The following MDGA2 variants were observed in gnomAD, a reference collection of about 807,000 sequenced individuals.
The protein encoded by MDGA2 is MAM domain-containing glycosylphosphatidylinositol anchor protein 2.
Under a neutral mutation model 117.8 loss-of-function variants are expected in MDGA2, and 40 were observed. The observed-to-expected ratio is 0.34, with a 90% CI of 0.26 to 0.44. MDGA2 has a LOEUF of 0.44. Ranked by LOEUF, MDGA2 falls within the 20% of genes least tolerant of loss-of-function variation. The probability of loss-of-function intolerance (pLI) is 1.00; values close to 1 mark genes in which losing one functional copy is unlikely to be tolerated. For synonymous variants in MDGA2, 452 were observed against 439.0 expected (o/e 1.03, Z -0.37); for missense variants, 1,123 against 1,250.6 (o/e 0.90, Z 1.54).
At chr14:47,054,474 C>T (rs1406861788) in intron 7 of MDGA2, among the ~76,000 whole-genome samples, 1 of 130,740 alleles carries the variant, frequency 7.6e-6, no homozygotes, top group Non-Finnish European at 1.6e-5. Flanking sequence ...CCTCCCCCCA[C>T]CCCACAACAG....
chr14:47,343,133 A>T (rs1353082748), intron 1 of MDGA2: 3 of 1,208,968 alleles, frequency 2.5e-6, no homozygotes, highest in Non-Finnish European at 3.2e-6. Context: ...CACAATAATG[A>T]AACAGCTGAG....
At chr14:47,481,281 C>A (rs1260914023) in intron 1 of MDGA2, among the ~76,000 whole-genome samples, 1 of 151,990 alleles carries the variant, frequency 6.6e-6, no homozygotes, top group Admixed American at 6.6e-5. Flanking sequence ...AACTTAGAAA[C>A]TTTTAAACCA....
intron 1 of MDGA2, among the ~76,000 whole-genome samples, chr14:47,417,246 G>A (rs1478480780): frequency 2.0e-5 from 3 of 152,080 alleles, no homozygotes; most frequent in South Asian, 2.1e-4. Context: ...GCATTCAAGC[G>A]AAGCCAAACC....
At chr14:47,379,106 C>T (rs1566761384) in intron 1 of MDGA2, among the ~76,000 whole-genome samples, 1 of 152,130 alleles carries the variant, frequency 6.6e-6, no homozygotes, top group Non-Finnish European at 1.5e-5. Flanking sequence ...ATTTCATATC[C>T]AGCCAAACTA....
chr14:47,649,719 C>G (rs1211353858), intron 1 of MDGA2, among the ~76,000 whole-genome samples: 4 of 138,608 alleles, frequency 2.9e-5, no homozygotes, highest in Admixed American at 7.2e-5. Context: ...ACAAAAAAAC[C>G]CCACAAATAT....
At chr14:47,200,580 C>A (rs1885465106) in intron 3 of MDGA2, 8 of 962,256 alleles carry the variant, frequency 8.3e-6, no homozygotes, top group Non-Finnish European at 1.2e-5. Flanking sequence ...TGGGCTCAGA[C>A]CAGGAGTCCG....
intron 5 of MDGA2, among the ~76,000 whole-genome samples, chr14:47,104,090 T>C (rs61992545): frequency 2.0e-5 from 3 of 152,180 alleles, no homozygotes; most frequent in African/African-American, 7.2e-5. Flanking sequence ...CAGGCTTGAC[T>C]GGGATATTTA....
chr14:46,929,601 G>GTGTGTGTGTATA (rs1398520996), intron 9 of MDGA2, among the ~76,000 whole-genome samples: 1 of 12,676 alleles, frequency 7.9e-5, no homozygotes, highest in African/African-American at 2.1e-4. Flanking sequence ...GTGTGTGTGT[G>GTGTGTGTGTATA]TATATATATA....
intron 1 of MDGA2, among the ~76,000 whole-genome samples, chr14:47,519,773 A>G (rs1894831803): frequency 6.6e-6 from 1 of 152,152 alleles, no homozygotes; most frequent in Admixed American, 6.5e-5. Flanking sequence ...AATAAGCTAT[A>G]ATTTGTGAGA....
intron 1 of MDGA2, among the ~76,000 whole-genome samples, chr14:47,505,737 T>A (rs1414461679): frequency 1.3e-5 from 2 of 152,200 alleles, no homozygotes; most frequent in African/African-American, 4.8e-5. Flanking sequence ...AAAAATATAA[T>A]TTGAATTGAA....
At chr14:47,291,602 G>A (rs1888891643) in intron 2 of MDGA2, among the ~76,000 whole-genome samples, 1 of 152,174 alleles carries the variant, frequency 6.6e-6, no homozygotes, top group African/African-American at 2.4e-5. Context: ...TTAGCCCACA[G>A]TTAGGCAAAA....
At chr14:47,244,639 G>A (rs891692961) in intron 2 of MDGA2, among the ~76,000 whole-genome samples, 3 of 151,766 alleles carry the variant, frequency 2.0e-5, no homozygotes, top group African/African-American at 7.3e-5. Context: ...ATAAAATAGA[G>A]TCAGCCTTTA....
chr14:47,003,139 A>G (rs1887590282), intron 8 of MDGA2, among the ~76,000 whole-genome samples: 1 of 152,136 alleles, frequency 6.6e-6, no homozygotes, highest in African/African-American at 2.4e-5. Context: ...TTCCATGAAG[A>G]ATAACTATTT....
At chr14:47,648,542 GA>G (rs1379870533) in intron 1 of MDGA2, among the ~76,000 whole-genome samples, 1 of 151,962 alleles carries the variant, frequency 6.6e-6, no homozygotes, top group South Asian at 2.1e-4. Context: ...AAAATAAATA[GA>G]GGGCAATAAG....
intron 5 of MDGA2, among the ~76,000 whole-genome samples, chr14:47,102,394 A>AACAC (rs1280534726): frequency 4.7e-5 from 6 of 128,516 alleles, no homozygotes; most frequent in Admixed American, 3.9e-4. Flanking sequence ...CACACACACA[A>AACAC]ACACACACAC....
At chr14:47,123,495 A>C (rs1198651292) in intron 5 of MDGA2, among the ~76,000 whole-genome samples, 1 of 152,030 alleles carries the variant, frequency 6.6e-6, no homozygotes, top group Non-Finnish European at 1.5e-5. Context: ...TATGTGCTTG[A>C]TTACCTTAGG....
intron 1 of MDGA2, among the ~76,000 whole-genome samples, chr14:47,405,427 T>C (rs1307317243): frequency 2.0e-5 from 3 of 152,218 alleles, no homozygotes; most frequent in Non-Finnish European, 4.4e-5. Context: ...TTTTAAAATA[T>C]CTGAGAATTA....
At chr14:47,469,923 G>T (rs182708329) in intron 1 of MDGA2, among the ~76,000 whole-genome samples, 80 of 152,124 alleles carry the variant, frequency 5.3e-4, no homozygotes, top group African/African-American at 1.8e-3. Flanking sequence ...CAGAAACTGG[G>T]TATCTGCTAT....
chr14:46,907,630 T>G (rs1194409467), intron 10 of MDGA2, among the ~76,000 whole-genome samples: 2 of 152,192 alleles, frequency 1.3e-5, no homozygotes, highest in African/African-American at 4.8e-5. Flanking sequence ...GTTGCTCTCA[T>G]TTCTTAGCTG....
Sources: allele counts gnomAD v4.1 joint callset (sites outside exome capture counted in the v4.1 genomes callset), GRCh38; gene constraint gnomAD v4.1.1; transcripts MANE v1.5; gene names NCBI Gene and HGNC (gene_info 2026-07-23, HGNC 2026-07-21).